The following PWWP2A variants were observed in gnomAD, a reference collection of about 807,000 sequenced individuals.
PWWP2A encodes PWWP domain containing 2A.
Under a neutral mutation model 48.5 loss-of-function variants are expected in PWWP2A, and 18 were observed. That is an observed-to-expected ratio of 0.37 (90% CI 0.26 to 0.55). The LOEUF (loss-of-function observed/expected upper bound fraction) is 0.55, where lower values mean the gene tolerates loss of function less well. PWWP2A is among the 20% of genes least tolerant of loss of function. PWWP2A has a pLI of 0.81. For synonymous variants in PWWP2A, 396 were observed against 387.7 expected (o/e 1.02, Z -0.25); for missense variants, 867 against 976.4 (o/e 0.89, Z 1.49).
At chr5:160,049,741 G>A in the PWWP2A span, 3 of 1,206,270 alleles carry the variant, frequency 2.5e-6, no homozygotes, top group Non-Finnish European at 3.3e-6. Flanking sequence ...AATCCTTTCA[G>A]ACACAATTAA....
chr5:160,061,138 C>G (rs572859055), downstream of PWWP2A, among the ~76,000 whole-genome samples: 1 of 152,218 alleles, frequency 6.6e-6, no homozygotes, highest in Admixed American at 6.5e-5. Context: ...CGCTTCAGCC[C>G]CATTGGACAC....
chr5:160,076,852 C>T (rs1045151774), exon 4 of PWWP2A: 5 of 151,992 alleles, frequency 3.3e-5, no homozygotes, highest in African/African-American at 9.7e-5. Flanking sequence ...TATTTTTTGG[C>T]ATATTTTCCC....
chr5:160,116,895 C>T (rs2113693888), intron 1 of PWWP2A: 1 of 272,376 alleles, frequency 3.7e-6, no homozygotes, highest in South Asian at 1.4e-4. Flanking sequence ...GAGTTTGAGA[C>T]CAACCTGACC....
rs1434174219 is a variant in PWWP2A at position 160,092,626 on chromosome 5, G to A, written c.2024C>T (p.Thr675Ile). The A allele has an allele frequency of 1.9e-6, 3 of 1,551,582 alleles. No homozygotes were observed. The African/African-American group carries it at 4.1e-5, about 21-fold the overall frequency. The change falls in exon 2 of 2, where the codon ACT (threonine) becomes ATT (isoleucine). Residue 675 changes from threonine (T) to isoleucine (I), a missense_variant. Physicochemically the swap from Thr to Ile is moderately conservative, Grantham distance 89. Coordinates refer to ENST00000307063, the MANE Select transcript of PWWP2A (RefSeq NM_001130864.2). Reference sequence around the variant, plus strand: ...GTTATCTTTCCGGCTCACAGTTATAGTAAGAATACGGGCTGGCCACCAAGG... The same window carrying A: ...GTTATCTTTCCGGCTCACAGTTATAATAAGAATACGGGCTGGCCACCAAGG... ...GFPWWPARIL[T>I]ITVSRKDNGL...
At chr5:160,045,138 C>G in the PWWP2A span, among the ~76,000 whole-genome samples, 1 of 152,120 alleles carries the variant, frequency 6.6e-6, no homozygotes, top group African/African-American at 2.4e-5. Flanking sequence ...GCTTCTTTCT[C>G]TGTAACCAAA....
chr5:160,108,423 GAAT>G, intron 1 of PWWP2A: 1 of 444,198 alleles, frequency 2.3e-6, no homozygotes, highest in South Asian at 1.8e-5. Context: ...CATATAAGCA[GAAT>G]AATCACCAAA....
At chr5:160,064,896 C>T in intron 4 of PWWP2A, 1 of 1,599,050 alleles carries the variant, frequency 6.3e-7, no homozygotes, top group Non-Finnish European at 8.5e-7. Context: ...TCTGTTCATT[C>T]CTGTATTCAT....
At chr5:160,112,042 G>C (rs937771911) in intron 1 of PWWP2A, among the ~76,000 whole-genome samples, 2 of 145,170 alleles carry the variant, frequency 1.4e-5, no homozygotes, top group African/African-American at 5.1e-5. Flanking sequence ...TGGGAGGATT[G>C]CTTGAGCCCA....
At chr5:160,088,726 T>C (rs960361367), downstream of PWWP2A, among the ~76,000 whole-genome samples, 9 of 152,168 alleles carry the variant, frequency 5.9e-5, no homozygotes, top group African/African-American at 1.9e-4. Flanking sequence ...TTTCTAGACA[T>C]TTGCCCATCT....
chr5:160,090,261 T>C (rs1308347094), downstream of PWWP2A: 1 of 985,206 alleles, frequency 1.0e-6, no homozygotes. Flanking sequence ...CTTGACCATA[T>C]CAGTAATGTC....
intron 1 of PWWP2A, among the ~76,000 whole-genome samples, chr5:160,115,561 C>G (rs188026163): frequency 6.6e-6 from 1 of 151,624 alleles, no homozygotes; most frequent in Non-Finnish European, 1.5e-5. Flanking sequence ...GGCGTGGTGG[C>G]GGGCACCTGT....
chr5:160,118,516 G>A (rs1448686388), intron 1 of PWWP2A, among the ~76,000 whole-genome samples: 1 of 150,148 alleles, frequency 6.7e-6, no homozygotes, highest in Non-Finnish European at 1.5e-5. Flanking sequence ...TCCAGGCCAA[G>A]TCGCAGAAGA....
At chr5:160,106,836 T>C (rs1431786190) in intron 1 of PWWP2A, among the ~76,000 whole-genome samples, 1 of 149,158 alleles carries the variant, frequency 6.7e-6, no homozygotes, top group Admixed American at 6.7e-5. Context: ...TTTTTTTTTT[T>C]TTTTTTGAGA....
At chr5:160,054,488 G>A in the PWWP2A span, among the ~76,000 whole-genome samples, 1 of 152,136 alleles carries the variant, frequency 6.6e-6, no homozygotes, top group Non-Finnish European at 1.5e-5. Context: ...GGTAGCACAA[G>A]ACTGTGGTCC....
At chr5:160,110,035 T>G (rs1310943499) in intron 1 of PWWP2A, among the ~76,000 whole-genome samples, 3 of 151,416 alleles carry the variant, frequency 2.0e-5, no homozygotes, top group Non-Finnish European at 4.4e-5. Context: ...TTTTTTCTTT[T>G]TTTGAGATAG....
chr5:160,102,518 C>T (rs112434249), intron 1 of PWWP2A, among the ~76,000 whole-genome samples: 1,944 of 151,334 alleles, frequency 0.013, 47 homozygotes, highest in African/African-American at 0.045. Flanking sequence ...CTGGGCAACA[C>T]AGTGAGACCT....
chr5:160,107,751 G>T (rs1757044602), intron 1 of PWWP2A, among the ~76,000 whole-genome samples: 1 of 152,190 alleles, frequency 6.6e-6, no homozygotes, highest in South Asian at 2.1e-4. Context: ...AGGCGCGGTG[G>T]CTCATGCCTG....
chr5:160,092,403 C>G lies in PWWP2A; in HGVS notation c.2247G>C (p.Leu749Phe), dbSNP rs1048908217. The change falls in exon 2 of 2, where the codon TTG becomes TTC. Residue 749 changes from leucine (L) to phenylalanine (F), a missense_variant. Physicochemically the swap from Leu to Phe is conservative, Grantham distance 22. Coordinates refer to ENST00000307063, the MANE Select transcript of PWWP2A (RefSeq NM_001130864.2). ...AKQLTPEVRA[L>F]LTQFET ...ATGTTCACGTTTCAAACTGTGTCAA[C>G]AAAGCCCGCACTTCGGGGGTCAGCT... is the stretch of plus-strand genomic sequence containing the variant. The G allele has an allele frequency of 6.5e-7, 1 of 1,545,710 alleles. No homozygotes were observed. Among genetic ancestry groups the G allele is most frequent in the African/African-American group, 1.4e-5 (1 of 72,402 alleles).
downstream of PWWP2A, among the ~76,000 whole-genome samples, chr5:160,088,833 T>C (rs1296327220): frequency 6.6e-6 from 1 of 152,246 alleles, no homozygotes; most frequent in East Asian, 1.9e-4. Context: ...ATACAAATTA[T>C]AGACTTAAGG....
Sources: gnomAD v4.1 joint callset for allele counts (sites outside exome capture counted in the v4.1 genomes callset) on GRCh38, gnomAD v4.1.1 for gene constraint, MANE v1.5 for transcripts, NCBI Gene and HGNC (gene_info 2026-07-23, HGNC 2026-07-21) for gene names.